The following ZHX2 variants were observed in gnomAD, a reference collection of about 807,000 sequenced individuals.
ZHX2 encodes the protein zinc fingers and homeoboxes protein 2.
In ZHX2, 6 loss-of-function variants were observed where a neutral mutation model predicts 21.9. The ratio of observed to expected loss-of-function variants is 0.27; its 90% CI spans 0.15 to 0.54. The LOEUF is 0.54. Among genes scored for constraint, ZHX2 ranks in the 20% least tolerant of loss-of-function variants. ZHX2 has a pLI of 0.95. For synonymous variants in ZHX2, 434 were observed against 437.1 expected (o/e 0.99, Z 0.09); for missense variants, 908 against 1,090.7 (o/e 0.83, Z 2.36).
chr8:122,944,042 G>A (rs553395724), intron 2 of ZHX2, among the ~76,000 whole-genome samples: 3 of 152,140 alleles, frequency 2.0e-5, no homozygotes, highest in African/African-American at 4.8e-5. Context: ...TGCTCATGCT[G>A]TCTGCTCTGC....
rs111546345 is a variant in ZHX2 at position 122,893,507 on chromosome 8, T to C, written c.-220+29968T>C. On this transcript the variant is annotated intron_variant, in intron 2 of 3. Coordinates refer to ENST00000314393, the MANE Select transcript of ZHX2 (RefSeq NM_014943.5). ...CCCTGTAGGCTTTTTTCATACTTTT[T>C]TTATTCTTTATTTTTTAAAAAAACG... 6.8e-3 allele frequency among the ~76,000 whole-genome samples: 1,036 copies of C among 152,274 alleles called. 9 individuals are homozygous for C. The highest frequency in any genetic ancestry group is 0.024 in the African/African-American group (979 of 41,566).
intron 2 of ZHX2, among the ~76,000 whole-genome samples, chr8:122,890,344 T>G (rs1819947493): frequency 1.3e-5 from 2 of 152,220 alleles, no homozygotes; most frequent in South Asian, 4.1e-4. Flanking sequence ...CATACCATAC[T>G]GTTTTGTTAA....
At position 122,846,134 on chromosome 8, in the gene ZHX2, A is replaced by G. The variant is rs143708728; in HGVS notation, c.-282-17343A>G. On this transcript the variant is annotated intron_variant, in intron 1 of 3. Transcript: ENST00000314393. ...CAGCCTTACTGAGGATTGGATGTAG[A>G]TGTTGGCAGAGAGGGGAGGAGGCAT... is the stretch of plus-strand genomic sequence containing the variant. Among the ~76,000 whole-genome samples the G allele has an allele frequency of 3.0e-4, 45 of 152,250 alleles. 1 individual carries two copies. The East Asian group carries it at 7.5e-3, about 25-fold the overall frequency.
At chr8:122,920,827 A>G (rs1163164001) in intron 2 of ZHX2, among the ~76,000 whole-genome samples, 1 of 152,154 alleles carries the variant, frequency 6.6e-6, no homozygotes, top group Admixed American at 6.5e-5. Flanking sequence ...CACCCACGAG[A>G]GGAGGTGCTG....
chr8:122,890,443 G>T (rs1242073054), intron 2 of ZHX2, among the ~76,000 whole-genome samples: 2 of 151,996 alleles, frequency 1.3e-5, no homozygotes, highest in African/African-American at 4.8e-5. Context: ...GCTACATGGG[G>T]TCTTTTGTGA....
intron 2 of ZHX2, among the ~76,000 whole-genome samples, chr8:122,934,408 A>G (rs796512130): frequency 1.3e-4 from 20 of 152,246 alleles, no homozygotes; most frequent in African/African-American, 4.1e-4. Flanking sequence ...GCAGGCCACA[A>G]ACGCCTTGTA....
intron 2 of ZHX2, among the ~76,000 whole-genome samples, chr8:122,880,662 C>T (rs1447872454): frequency 6.6e-6 from 1 of 151,794 alleles, no homozygotes; most frequent in Non-Finnish European, 1.5e-5. Flanking sequence ...GTAATCCCAG[C>T]TATTCAGGAG....
Position 122,879,506 on chromosome 8 carries a change from G to GT in ZHX2, c.-220+15981dup, listed in dbSNP as rs150176374. ...AGGTATGAGCCACTGCACCGGGCTG[G>GT]TTTTTTTTTTTTTTAATTCTGCGTC... On this transcript the variant is annotated intron_variant, in intron 2 of 3. Transcript: ENST00000314393. Among the ~76,000 whole-genome samples, 1,182 of 145,026 alleles carry GT rather than the reference G, an allele frequency of 8.2e-3. 8 individuals carry two copies. The highest frequency in any genetic ancestry group is 0.023 in the African/African-American group (893 of 39,658).
At chr8:122,855,565 CATGTGACTTGACAAATTTGGA>C (rs1819005893) in intron 1 of ZHX2, among the ~76,000 whole-genome samples, 1 of 152,048 alleles carries the variant, frequency 6.6e-6, no homozygotes, top group South Asian at 2.1e-4. Flanking sequence ...TTACTCAATT[CATGTGACTTGACAAATTTGGA>C]ATGTGTTAGG....
At position 122,966,588 on chromosome 8, in the gene ZHX2, CT is replaced by C. The variant is rs559783308; in HGVS notation, c.*5-6651del. ...CTTTTGCCTCACAGGTCTTAAGATT[CT>C]TTCCTTCATCTTGACTTTAGATAAC... On this transcript the variant is annotated intron_variant, in intron 3 of 3. Transcript: ENST00000314393. Among the ~76,000 whole-genome samples, 630 of 152,272 alleles carry C rather than the reference CT, an allele frequency of 4.1e-3. 1 individual carries two copies. The highest frequency in any genetic ancestry group is 0.014 in the Middle Eastern group (4 of 294).
upstream of ZHX2, chr8:122,781,370 T>TTA (rs1208961073): frequency 6.6e-6 from 1 of 152,282 alleles, no homozygotes; most frequent in Non-Finnish European, 1.5e-5. This position sits in a 1 kb window ranked among gnomAD's most constrained non-coding sequence, Gnocchi z 4.6. Context: ...TCGTGCTTAA[T>TTA]ATTCAATGAT....
chr8:122,796,863 A>G (rs912795536), intron 1 of ZHX2, among the ~76,000 whole-genome samples: 1 of 152,208 alleles, frequency 6.6e-6, no homozygotes, highest in Non-Finnish European at 1.5e-5. Context: ...GGAAGACAGT[A>G]AAATCTGTTC....
At chr8:122,969,660 C>A (rs1217875477) in intron 3 of ZHX2, among the ~76,000 whole-genome samples, 1 of 152,078 alleles carries the variant, frequency 6.6e-6, no homozygotes, top group African/African-American at 2.4e-5. Context: ...AGCCAGATGA[C>A]AATGGAACAA....
intron 3 of ZHX2, among the ~76,000 whole-genome samples, chr8:122,957,718 G>A (rs974551096): frequency 2.6e-5 from 4 of 152,112 alleles, no homozygotes; most frequent in Non-Finnish European, 2.9e-5. Flanking sequence ...TGATCCATCT[G>A]CCTCAGCCTC....
intron 2 of ZHX2, among the ~76,000 whole-genome samples, chr8:122,871,770 G>A (rs1819447981): frequency 6.7e-6 from 1 of 149,336 alleles, no homozygotes; most frequent in South Asian, 2.1e-4. Flanking sequence ...CAGAGGGAGT[G>A]CTCCTAAGTG....
chr8:122,883,042 G>A (rs1819752688), intron 2 of ZHX2, among the ~76,000 whole-genome samples: 1 of 152,012 alleles, frequency 6.6e-6, no homozygotes, highest in Non-Finnish European at 1.5e-5. Flanking sequence ...CCACCTGAGA[G>A]CTTCTCATTG....
At chr8:122,921,835 T>G (rs943363683) in intron 2 of ZHX2, among the ~76,000 whole-genome samples, 2 of 152,142 alleles carry the variant, frequency 1.3e-5, no homozygotes, top group African/African-American at 4.8e-5. Flanking sequence ...TATACCTCAG[T>G]AAAGCTCAGG....
chr8:122,835,489 T>C (rs1172326937), intron 1 of ZHX2, among the ~76,000 whole-genome samples: 2 of 152,056 alleles, frequency 1.3e-5, no homozygotes, highest in African/African-American at 4.8e-5. Context: ...ACTAGAATTG[T>C]CCTGAGTAGG....
At chr8:122,850,583 T>C (rs1428913717) in intron 1 of ZHX2, among the ~76,000 whole-genome samples, 2 of 145,912 alleles carry the variant, frequency 1.4e-5, no homozygotes, top group African/African-American at 5.1e-5. Context: ...GAGGTTGCAG[T>C]GAGCCGAGAT....
Sources: gnomAD v4.1 joint callset for allele counts (sites outside exome capture counted in the v4.1 genomes callset) on GRCh38, gnomAD v4.1.1 for gene constraint, Gnocchi (gnomAD v3.1) non-coding constraint, MANE v1.5 for transcripts, NCBI Gene and HGNC (gene_info 2026-07-23, HGNC 2026-07-21) for gene names.